SLC12A7: variants seen among roughly 807,000 people sequenced by gnomAD.
The protein encoded by SLC12A7 is solute carrier family 12 member 7.
In SLC12A7, 100 loss-of-function variants were observed where a neutral mutation model predicts 120.6. The observed-to-expected ratio is 0.83, with a 90% confidence interval of 0.71 to 0.98. The LOEUF is 0.98. SLC12A7 is among the 50% of genes least tolerant of loss of function. The probability of loss-of-function intolerance (pLI) is 0.00; values close to 1 mark genes in which losing one functional copy is unlikely to be tolerated. For missense variants in SLC12A7, 1,373 were observed against 1,548.1 expected (o/e 0.89, Z 1.90); for synonymous variants, 760 against 678.0 (o/e 1.12, Z -1.88).
At chr5:1,054,716 T>C (rs4975569) in intron 22 of SLC12A7, among the ~76,000 whole-genome samples, 143,003 of 152,256 alleles carry the variant, frequency 0.94, 67,817 homozygotes, top group East Asian at 1. Context: ...CCACGGACGC[T>C]ATCCAGGCTC....
At chr5:1,134,387 T>C in the SLC12A7 span, among the ~76,000 whole-genome samples, 2 of 152,014 alleles carry the variant, frequency 1.3e-5, no homozygotes, top group Non-Finnish European at 2.9e-5. Context: ...GGAGAATCAC[T>C]TGAACCCGGG....
At chr5:1,074,483 G>T in intron 16 of SLC12A7, 84 bp downstream of exon 16, 1 of 1,269,456 alleles carries the variant, frequency 7.9e-7, no homozygotes, top group Non-Finnish European at 1.1e-6. Flanking sequence ...AGGCCCCTGA[G>T]ACTCAAAGGT....
intron 6 of SLC12A7, among the ~76,000 whole-genome samples, 165 bp downstream of exon 6, chr5:1,086,738 G>C (rs111398630): frequency 2.0e-5 from 3 of 152,254 alleles, no homozygotes; most frequent in African/African-American, 7.2e-5. Context: ...ACGCTGCCCA[G>C]TGGCTTCCGC....
intron 14 of SLC12A7, chr5:1,075,773 C>T: frequency 2.0e-6 from 1 of 502,818 alleles, no homozygotes; most frequent in Non-Finnish European, 3.5e-6. Context: ...GCTGAAGCGT[C>T]CACCCAGCGC....
intron 12 of SLC12A7, 148 bp from the exon 13 acceptor site, chr5:1,076,960 G>C (rs1246486621): frequency 3.1e-6 from 2 of 643,708 alleles, no homozygotes; most frequent in African/African-American, 1.8e-5. Context: ...ACATCACGCG[G>C]CTGGCCTGGG....
At chr5:1,086,376 G>A (rs890535472) in intron 6 of SLC12A7, among the ~76,000 whole-genome samples, 4 of 152,156 alleles carry the variant, frequency 2.6e-5, no homozygotes, top group African/African-American at 7.2e-5. Context: ...GGCGGTTCCC[G>A]TCCCCACGAG....
At chr5:1,135,671 T>G in the SLC12A7 span, among the ~76,000 whole-genome samples, 2 of 152,174 alleles carry the variant, frequency 1.3e-5, no homozygotes, top group Non-Finnish European at 2.9e-5. Flanking sequence ...CAGCTTCAGG[T>G]GCGTGCATGA....
At chr5:1,134,584 T>C in the SLC12A7 span, among the ~76,000 whole-genome samples, 2 of 152,034 alleles carry the variant, frequency 1.3e-5, no homozygotes, top group Non-Finnish European at 2.9e-5. Flanking sequence ...GGAGTGTAAA[T>C]TGGTACAGTC....
intron 9 of SLC12A7, among the ~76,000 whole-genome samples, chr5:1,079,845 G>A (rs1561067861): frequency 6.6e-6 from 1 of 152,164 alleles, no homozygotes; most frequent in Non-Finnish European, 1.5e-5. Flanking sequence ...TGGCTCACAG[G>A]CCCCCAGGAC....
chr5:1,055,108 G>A (rs1735467327), intron 22 of SLC12A7, among the ~76,000 whole-genome samples: 1 of 152,034 alleles, frequency 6.6e-6, no homozygotes, highest in Non-Finnish European at 1.5e-5. Context: ...GCAGACACAG[G>A]CACAGACACG....
rs906632490 is a variant in SLC12A7 at position 1,077,926 on chromosome 5, G to A, written c.1536C>T (p.Phe512=). The A allele has an allele frequency of 4.4e-6, 7 of 1,601,396 alleles. No homozygotes were observed. The highest frequency in any genetic ancestry group is 1.7e-4 in the Middle Eastern group (1 of 6,050). Residue 512 remains phenylalanine (F), a synonymous_variant, in exon 12 of 24, where the codon TTC becomes TTT. Transcript: ENST00000264930. ...GCAGGCCGGCACCGCAGGTGGAGAA[G>A]AAGGAGCCGATGACGATGACCCAGG... ...PSPWVIVIGS[F]FSTCGAGLQS...
In SLC12A7 at chr5:1,067,276, G is replaced by A. The variant is rs369072112; in HGVS notation, c.2242-1798C>T. On this transcript the variant is annotated intron_variant, in intron 17 of 23. Transcript: ENST00000264930. ...CCCCAAGGGGCACCAGCCAGCAAGC[G>A]GAGGCAGGGGCCCCAGAGAGGCAGA... Among the ~76,000 whole-genome samples, 6 of 152,244 alleles carry A rather than the reference G, an allele frequency of 3.9e-5. No individual in the cohort carries two copies. The South Asian group carries it at 6.2e-4, about 16-fold the overall frequency.
chr5:1,111,589 C>A (rs1743012377), intron 1 of SLC12A7, among the ~76,000 whole-genome samples: 1 of 152,170 alleles, frequency 6.6e-6, no homozygotes, highest in African/African-American at 2.4e-5. Context: ...TCCAGCCCCT[C>A]CCCGTTTCCA....
At chr5:1,140,854 G>A in the SLC12A7 span, among the ~76,000 whole-genome samples, 17 of 152,172 alleles carry the variant, frequency 1.1e-4, no homozygotes, top group African/African-American at 4.1e-4. Context: ...TAGCTTCTAG[G>A]TGACCACGCC....
chr5:1,069,896 G>C (rs1325733468), intron 17 of SLC12A7, among the ~76,000 whole-genome samples: 1 of 152,068 alleles, frequency 6.6e-6, no homozygotes, highest in Non-Finnish European at 1.5e-5. Flanking sequence ...CTCAGAGCTG[G>C]CACCAGCATG....
chr5:1,120,565 C>T, the SLC12A7 span, among the ~76,000 whole-genome samples: 2 of 152,358 alleles, frequency 1.3e-5, no homozygotes, highest in South Asian at 2.1e-4. Flanking sequence ...ACTCCAGACA[C>T]GCCTCCATCA....
the SLC12A7 span, among the ~76,000 whole-genome samples, chr5:1,134,945 G>A: frequency 1.2e-4 from 19 of 152,146 alleles, no homozygotes; most frequent in Non-Finnish European, 2.4e-4. Context: ...TGGCCAACAT[G>A]GTGAAACCCC....
At chr5:1,093,197 G>A (rs1016963578) in intron 3 of SLC12A7, among the ~76,000 whole-genome samples, 4 of 152,156 alleles carry the variant, frequency 2.6e-5, no homozygotes, top group African/African-American at 7.2e-5. Flanking sequence ...GCCACGTCCC[G>A]GCCTCTCGGC....
chr5:1,111,743 G>A, intron 1 of SLC12A7, 125 bp downstream of exon 1: 1 of 977,768 alleles, frequency 1.0e-6, no homozygotes, highest in Non-Finnish European at 1.3e-6. Context: ...AACAGGCGGT[G>A]GGGGCGCGGG....
Sources: allele counts gnomAD v4.1 joint callset (sites outside exome capture counted in the v4.1 genomes callset), GRCh38; gene constraint gnomAD v4.1.1; transcripts MANE v1.5; gene names NCBI Gene and HGNC (gene_info 2026-07-23, HGNC 2026-07-21).